SEMA3A: variants seen among roughly 807,000 people sequenced by gnomAD.
SEMA3A encodes semaphorin-3A.
A neutral mutation model predicts 97.9 loss-of-function variants in SEMA3A; 29 were observed. The ratio of observed to expected loss-of-function variants is 0.30; its 90% CI spans 0.22 to 0.40. The LOEUF is 0.40. Among genes scored for constraint, SEMA3A ranks in the 10% least tolerant of loss-of-function variants. The pLI is 1.00. For missense variants in SEMA3A, 763 were observed against 951.3 expected (o/e 0.80, Z 2.60); for synonymous variants, 321 against 323.7 (o/e 0.99, Z 0.09).
At chr7:84,377,661 T>C (rs2116126332) in intron 1 of SEMA3A, among the ~76,000 whole-genome samples, 1 of 152,328 alleles carries the variant, frequency 6.6e-6, no homozygotes, top group East Asian at 1.9e-4. Context: ...TGCCTGAGGT[T>C]GTACAATATT....
chr7:84,490,125 T>C (rs1806681015), intron 1 of SEMA3A, among the ~76,000 whole-genome samples: 1 of 150,328 alleles, frequency 6.7e-6, no homozygotes, highest in Admixed American at 6.7e-5. Flanking sequence ...AGGATATTTA[T>C]TAACAAATTA....
At chr7:84,488,349 C>CACACACACACACAT (rs59656940) in intron 1 of SEMA3A, among the ~76,000 whole-genome samples, 4 of 145,450 alleles carry the variant, frequency 2.8e-5, no homozygotes, top group African/African-American at 7.6e-5. Context: ...CACACACACA[C>CACACACACACACAT]ATATATATAT....
At chr7:84,278,194 C>G (rs1242369002) in intron 3 of SEMA3A, among the ~76,000 whole-genome samples, 8 of 152,084 alleles carry the variant, frequency 5.3e-5, no homozygotes, top group Non-Finnish European at 1.2e-4. Flanking sequence ...ACAATACAGC[C>G]AAGTTTTTTG....
rs558629307 is a variant in SEMA3A at position 84,346,864 on chromosome 7, G to C, written c.-169+24960C>G. Among the ~76,000 whole-genome samples, 339 of 152,298 alleles carry C rather than the reference G, an allele frequency of 2.2e-3. 2 individuals are homozygous for C. Among genetic ancestry groups the C allele is most frequent in the Non-Finnish European group, 3.5e-3 (235 of 68,026 alleles). The stretch of plus-strand genomic sequence containing the variant: ...AACGCAGGGTTGCCAGAAACCGCTG[G>C]TTTGTAGAAAAGGCAATTATCTGCC... On this transcript the variant is annotated intron_variant, in intron 2 of 3. Coordinates refer to the SEMA3A transcript ENST00000424555.
chr7:84,476,218 C>T (rs928854039), intron 1 of SEMA3A, among the ~76,000 whole-genome samples: 2 of 151,702 alleles, frequency 1.3e-5, no homozygotes, highest in Non-Finnish European at 2.9e-5. Flanking sequence ...ATTAGTCAGG[C>T]GTGGTGGCGT....
At chr7:84,049,625 T>A (rs900444671) in intron 5 of SEMA3A, among the ~76,000 whole-genome samples, 3 of 152,140 alleles carry the variant, frequency 2.0e-5, no homozygotes, top group East Asian at 3.9e-4. Context: ...ATATATTTTT[T>A]AAAAATGCCT....
At chr7:84,441,126 C>A (rs1805263008) in intron 1 of SEMA3A, among the ~76,000 whole-genome samples, 1 of 151,668 alleles carries the variant, frequency 6.6e-6, no homozygotes. Context: ...CTATTGCACT[C>A]CAGCCTGAGC....
upstream of SEMA3A, chr7:84,195,470 C>T (rs142860732): frequency 5.3e-5 from 8 of 151,404 alleles, no homozygotes; most frequent in Non-Finnish European, 1.0e-4. Flanking sequence ...CTCATCAATA[C>T]AACTTTAACC....
intron 2 of SEMA3A, among the ~76,000 whole-genome samples, chr7:84,134,067 C>CAAA (rs1355174652): frequency 6.6e-6 from 1 of 151,556 alleles, no homozygotes; most frequent in Non-Finnish European, 1.5e-5. Context: ...TCTCAAAAAA[C>CAAA]AACAACAACA....
chr7:84,045,381 T>C (rs1488240419), intron 6 of SEMA3A, among the ~76,000 whole-genome samples: 2 of 151,828 alleles, frequency 1.3e-5, no homozygotes, highest in Non-Finnish European at 2.9e-5. Context: ...GGAGGGATAA[T>C]TGGAGATTGG....
chr7:84,317,684 C>T (rs1234575911), intron 2 of SEMA3A, among the ~76,000 whole-genome samples: 12 of 151,894 alleles, frequency 7.9e-5, no homozygotes, highest in Admixed American at 7.9e-4. Flanking sequence ...TTGACTATTC[C>T]TTGTCTCAAC....
intron 3 of SEMA3A, among the ~76,000 whole-genome samples, chr7:84,126,785 A>T (rs75821479): frequency 0.079 from 11,986 of 152,230 alleles, 834 homozygotes; most frequent in African/African-American, 0.19. Flanking sequence ...AAAAACTATT[A>T]GAGTTGTTTC....
chr7:84,178,855 A>T (rs1297606837), intron 1 of SEMA3A, among the ~76,000 whole-genome samples: 1 of 152,126 alleles, frequency 6.6e-6, no homozygotes, highest in East Asian at 1.9e-4. Context: ...TAGCAAACTA[A>T]AATACTGAAC....
At chr7:84,067,613 G>C (rs1372349512) in intron 4 of SEMA3A, among the ~76,000 whole-genome samples, 1 of 152,100 alleles carries the variant, frequency 6.6e-6, no homozygotes, top group Admixed American at 6.6e-5. Context: ...GTTGGCGAAG[G>C]ACATGAACAG....
intron 15 of SEMA3A, among the ~76,000 whole-genome samples, chr7:83,969,863 C>T (rs1420119447): frequency 6.6e-6 from 1 of 152,132 alleles, no homozygotes; most frequent in African/African-American, 2.4e-5. Context: ...TATCTTCTCA[C>T]ATCTCCAAGG....
intron 5 of SEMA3A, among the ~76,000 whole-genome samples, chr7:84,050,117 T>A (rs1348181855): frequency 6.6e-6 from 1 of 151,738 alleles, no homozygotes. Flanking sequence ...TCTATCATTG[T>A]TGGACATTTG....
rs200349893 is a variant in SEMA3A at position 84,103,403 on chromosome 7, TA to T, written c.453+7066del. ...AAATGAGGGTACTAAAATTTTAAAT[TA>T]AAAAAAATAAATTATGACTGTGGGA... On this transcript the variant is annotated intron_variant, in intron 4 of 16. Coordinates refer to ENST00000265362, the MANE Select transcript of SEMA3A (RefSeq NM_006080.3). Among the ~76,000 whole-genome samples, 1,224 of 152,044 alleles carry T rather than the reference TA, an allele frequency of 8.1e-3. 13 individuals are homozygous for T. Among genetic ancestry groups the T allele is most frequent in the African/African-American group, 0.028 (1,146 of 41,482 alleles).
intron 1 of SEMA3A, among the ~76,000 whole-genome samples, chr7:84,381,644 T>G (rs12667787): frequency 0.12 from 18,450 of 152,126 alleles, 2,070 homozygotes; most frequent in East Asian, 0.35. Flanking sequence ...TTCTATTTGG[T>G]CTACATTTGG....
At chr7:84,424,506 A>G (rs1412607125) in intron 1 of SEMA3A, among the ~76,000 whole-genome samples, 2 of 88,168 alleles carry the variant, frequency 2.3e-5, no homozygotes, top group Non-Finnish European at 4.0e-5. Context: ...TATATAATAT[A>G]TAAATATTAA....
Sources: gnomAD v4.1 joint callset for allele counts (sites outside exome capture counted in the v4.1 genomes callset) on GRCh38, gnomAD v4.1.1 for gene constraint, MANE v1.5 for transcripts, NCBI Gene and HGNC (gene_info 2026-07-23, HGNC 2026-07-21) for gene names.